The following DNMT3B variants were observed in gnomAD, a reference collection of about 807,000 sequenced individuals.
DNMT3B encodes DNA methyltransferase 3 beta.
DNMT3B carries 37 observed loss-of-function variants against 120.2 expected under a neutral mutation model. The ratio of observed to expected loss-of-function variants is 0.31; its 90% confidence interval spans 0.24 to 0.40. The LOEUF (loss-of-function observed/expected upper bound fraction) is 0.40, where lower values mean the gene tolerates loss of function less well. Ranked by LOEUF, DNMT3B falls within the 10% of genes least tolerant of loss-of-function variation. The pLI, the probability that DNMT3B is intolerant of heterozygous loss-of-function variation, is 1.00. For missense variants in DNMT3B, 878 were observed against 1,137.3 expected, an observed-to-expected ratio of 0.77 and a Z score of 3.28; for synonymous variants, 412 against 442.8, an observed-to-expected ratio of 0.93 and a Z score of 0.87.
chr20:32,805,294 C>A (rs751981955), intron 20 of DNMT3B, 44 bp from the exon 21 acceptor site: 1 of 1,612,630 alleles, frequency 6.2e-7, no homozygotes, highest in Admixed American at 1.7e-5. Flanking sequence ...TAGCAGAGGA[C>A]CCTCTATAGC....
chr20:32,785,149 C>T (rs1362195802), intron 4 of DNMT3B, among the ~76,000 whole-genome samples: 2 of 151,826 alleles, frequency 1.3e-5, no homozygotes, highest in African/African-American at 2.4e-5. Context: ...AAGTGATTCT[C>T]CTGCCACAGC....
chr20:32,766,159 C>T (rs1464365043), intron 1 of DNMT3B, among the ~76,000 whole-genome samples: 1 of 152,014 alleles, frequency 6.6e-6, no homozygotes, highest in South Asian at 2.1e-4. Flanking sequence ...GCCTGGCCAA[C>T]GTGATAAAAC....
intron 17 of DNMT3B, 65 bp downstream of exon 17, chr20:32,800,363 C>T: frequency 6.2e-7 from 1 of 1,607,636 alleles, no homozygotes; most frequent in Non-Finnish European, 8.5e-7. Flanking sequence ...CCTCCACACC[C>T]TGAAACCCAC....
In DNMT3B at chr20:32,808,346, C is replaced by T. The variant is rs6058896; in HGVS notation, c.*443C>T. ...TTTAATTTTTGAAAACTGGCTACTG[C>T]TCTGTGTTTACAGACGTGTGCAGTT... On this transcript the variant is annotated 3_prime_UTR_variant, in exon 23 of 23. Coordinates refer to ENST00000328111, the MANE Select transcript of DNMT3B (RefSeq NM_006892.4). 21,921 of 309,662 alleles carry T rather than the reference C, an allele frequency of 0.071. 881 individuals are homozygous for T. Among genetic ancestry groups the T allele is most frequent in the African/African-American group, 0.12 (5,695 of 47,172 alleles). The allele number at this position is 309,662 out of a possible 1,614,324, so 19.2% of individuals were successfully genotyped here. A position where few individuals can be genotyped will look rare whatever the true frequency, so the allele number is the denominator to read the frequency against.
In DNMT3B at chr20:32,800,168, A is replaced by G. The variant is rs367796697; in HGVS notation, c.1775A>G (p.Lys592Arg). The change falls in exon 17 of 23, where the codon AAA becomes AGA. Residue 592 changes from lysine (K) to arginine (R), a missense_variant. By Grantham distance (26) the Lys-to-Arg change is conservative (BLOSUM62 2). Coordinates refer to ENST00000328111, the MANE Select transcript of DNMT3B (RefSeq NM_006892.4). Reference protein sequence around the residue: ...DGIATGYLVLKELGIKVGKYV... With the variant: ...DGIATGYLVLRELGIKVGKYV... ...GCCCCCACAGGCTACCTAGTCCTCA[A>G]AGAGTTGGGCATAAAGGTAGGAAAG... 103 of 1,614,124 alleles carry G rather than the reference A, an allele frequency of 6.4e-5. No homozygotes were observed. Among genetic ancestry groups the G allele is most frequent in the Non-Finnish European group, 8.6e-5 (101 of 1,180,050 alleles).
intron 1 of DNMT3B, among the ~76,000 whole-genome samples, chr20:32,773,123 T>C (rs1987843812): frequency 6.6e-6 from 1 of 151,566 alleles, no homozygotes. Flanking sequence ...CTGGCTTTTT[T>C]TTTTTTTGAG....
In DNMT3B at chr20:32,798,773, A is replaced by T; in HGVS notation, c.1674+130A>T. ...ACCTCTTGGAGCCTCAATGGCTGAG[A>T]GACCTGGCGAATTGCCAGCTCCTCT... On this transcript the variant is annotated intron_variant, in intron 15 of 22. Transcript: ENST00000328111. 3.0e-6 allele frequency: 4 copies of T among 1,344,330 alleles called. No homozygotes were observed. The South Asian group carries it at 3.8e-5, about 13-fold the overall frequency. 83.3% of individuals were successfully genotyped at this position (1,344,330 alleles called of 1,614,324 possible).
At chr20:32,798,749 C>A in intron 15 of DNMT3B, 106 bp downstream of exon 15, 1 of 1,480,874 alleles carries the variant, frequency 6.8e-7, no homozygotes. Flanking sequence ...ACACGTTGTA[C>A]CTCTTGGAGC....
intron 1 of DNMT3B, among the ~76,000 whole-genome samples, chr20:32,778,914 T>C (rs1362062693): frequency 6.6e-6 from 1 of 151,722 alleles, no homozygotes; most frequent in Non-Finnish European, 1.5e-5. Context: ...CCAGCCTGGG[T>C]GACCAAGTGA....
intron 1 of DNMT3B, chr20:32,780,041 G>A (rs1978388601): frequency 1.3e-6 from 2 of 1,579,370 alleles, no homozygotes; most frequent in Admixed American, 3.6e-5. Context: ...AGCAGTCTGA[G>A]CCTGAGACCC....
intron 4 of DNMT3B, among the ~76,000 whole-genome samples, 171 bp downstream of exon 4, chr20:32,785,030 T>C (rs924936427): frequency 2.1e-5 from 2 of 96,054 alleles, no homozygotes; most frequent in Non-Finnish European, 3.5e-5. Flanking sequence ...TGTTGGAGGG[T>C]TTTCTTTTTT....
chr20:32,766,983 C>A (rs1234118136), intron 1 of DNMT3B, among the ~76,000 whole-genome samples: 3 of 151,972 alleles, frequency 2.0e-5, no homozygotes, highest in Non-Finnish European at 4.4e-5. Flanking sequence ...CTTTGCTTCC[C>A]GAGTTCAAGT....
At chr20:32,777,805 C>T (rs1028658557) in intron 1 of DNMT3B, among the ~76,000 whole-genome samples, 13 of 152,162 alleles carry the variant, frequency 8.5e-5, no homozygotes, top group Admixed American at 2.0e-4. Context: ...CCTGTTCTTC[C>T]GGGTCAGGGC....
At chr20:32,802,549 A>G in intron 20 of DNMT3B, 79 bp downstream of exon 20, 1 of 1,410,928 alleles carries the variant, frequency 7.1e-7, no homozygotes, top group Non-Finnish European at 1.0e-6. Flanking sequence ...AAGCCTTCCT[A>G]GAAAGACCTG....
intron 6 of DNMT3B, 61 bp from the exon 7 acceptor site, chr20:32,788,793 C>T: frequency 5.0e-6 from 8 of 1,608,882 alleles, no homozygotes; most frequent in Non-Finnish European, 6.8e-6. Context: ...GTGGAGTGGA[C>T]AGGACTTGGC....
chr20:32,787,284 A>G lies in DNMT3B; in HGVS notation c.487A>G (p.Ser163Gly), dbSNP rs954960806. 2 of 1,614,082 alleles carry G rather than the reference A, an allele frequency of 1.2e-6. No individual in the cohort carries two copies. Among genetic ancestry groups the G allele is most frequent in the East Asian group, 4.5e-5 (2 of 44,896 alleles). The stretch of plus-strand genomic sequence containing the variant: ...AGGAACGCCATGGCCGTCCCCTCCC[A>G]GCTCTTACCTTACCATCGACCTCAC... The part of the protein sequence containing the change: ...SAGTPWPSPP[S>G]SYLTIDLTDD... Residue 163 changes from serine to glycine, a missense_variant, in exon 6 of 23, where the codon AGC (serine) becomes GGC (glycine). Ser to Gly is a moderately conservative substitution (Grantham distance 56, BLOSUM62 0). Coordinates refer to ENST00000328111, the MANE Select transcript of DNMT3B (RefSeq NM_006892.4).
intron 1 of DNMT3B, among the ~76,000 whole-genome samples, chr20:32,773,241 G>A (rs528788042): frequency 6.6e-6 from 1 of 152,124 alleles, no homozygotes; most frequent in East Asian, 1.9e-4. Context: ...TGAGTAGCTG[G>A]GACTATAGGT....
intron 5 of DNMT3B, among the ~76,000 whole-genome samples, 183 bp from the exon 6 acceptor site, chr20:32,787,047 A>C (rs1368008814): frequency 6.6e-6 from 1 of 152,270 alleles, no homozygotes; most frequent in Non-Finnish European, 1.5e-5. Context: ...TGGGACAGTT[A>C]CAATGACTTT....
chr20:32,802,897 G>C (rs1163705395), intron 20 of DNMT3B, among the ~76,000 whole-genome samples: 1 of 152,188 alleles, frequency 6.6e-6, no homozygotes, highest in Non-Finnish European at 1.5e-5. Context: ...CCTCCTTCCT[G>C]CCAGGGATCT....
Sources: gnomAD v4.1 joint callset for allele counts (sites outside exome capture counted in the v4.1 genomes callset) on GRCh38, gnomAD v4.1.1 for gene constraint, MANE v1.5 for transcripts, NCBI Gene and HGNC (gene_info 2026-07-23, HGNC 2026-07-21) for gene names.